Variants in CDH18 observed in about 807,000 individuals in gnomAD.
The protein encoded by CDH18 is cadherin-18.
In CDH18, 31 loss-of-function variants were observed where a neutral mutation model predicts 67.9. That is an observed-to-expected ratio of 0.46 (90% confidence interval 0.34 to 0.62). The LOEUF (loss-of-function observed/expected upper bound fraction) is 0.62, where lower values mean the gene tolerates loss of function less well. Among genes scored for constraint, CDH18 ranks in the 20% least tolerant of loss-of-function variants. CDH18 has a pLI of 0.01. For missense variants in CDH18, 890 were observed against 975.5 expected (o/e 0.91, Z 1.17); for synonymous variants, 362 against 347.2 (o/e 1.04, Z -0.48).
intron 8 of CDH18, among the ~76,000 whole-genome samples, chr5:19,548,227 C>T (rs187089837): frequency 2.6e-5 from 4 of 151,012 alleles, no homozygotes; most frequent in African/African-American, 2.4e-5. Flanking sequence ...AATACAAAAT[C>T]AAGTAACGAT....
At chr5:20,283,619 G>A (rs10057213) in intron 1 of CDH18, among the ~76,000 whole-genome samples, 17,753 of 151,958 alleles carry the variant, frequency 0.12, 1,575 homozygotes, top group African/African-American at 0.24. Flanking sequence ...GGTTAAGTAC[G>A]TAGAGAAAAG....
intron 2 of CDH18, among the ~76,000 whole-genome samples, chr5:20,203,557 G>C (rs973675186): frequency 6.7e-6 from 1 of 148,806 alleles, no homozygotes; most frequent in African/African-American, 2.5e-5. Context: ...TGGCAAAAAG[G>C]AGGCAGTGAC....
At chr5:20,147,449 A>C (rs1561829592) in intron 2 of CDH18, among the ~76,000 whole-genome samples, 1 of 152,154 alleles carries the variant, frequency 6.6e-6, no homozygotes, top group East Asian at 1.9e-4. Flanking sequence ...TTAAAAAATA[A>C]GAAAACATAA....
intron 1 of CDH18, among the ~76,000 whole-genome samples, chr5:20,397,207 G>A (rs945245456): frequency 5.3e-5 from 8 of 151,902 alleles, no homozygotes; most frequent in East Asian, 1.9e-4. Context: ...CTTGGCTCAC[G>A]GCAACATCCG....
intron 2 of CDH18, among the ~76,000 whole-genome samples, chr5:19,977,692 T>A (rs1798627028): frequency 7.1e-6 from 1 of 141,474 alleles, no homozygotes; most frequent in Non-Finnish European, 1.6e-5. Context: ...TAATCCATTC[T>A]TTTATTTTTT....
At chr5:19,631,081 T>C (rs1752352824) in intron 5 of CDH18, among the ~76,000 whole-genome samples, 1 of 151,730 alleles carries the variant, frequency 6.6e-6, no homozygotes, top group African/African-American at 2.4e-5. Context: ...CAAGCACCAT[T>C]TATCAAAGTT....
At chr5:20,368,938 C>A (rs1179070015) in intron 1 of CDH18, among the ~76,000 whole-genome samples, 3 of 152,178 alleles carry the variant, frequency 2.0e-5, no homozygotes, top group African/African-American at 7.2e-5. Flanking sequence ...ATTTTCAGAA[C>A]AAAGTCCATA....
chr5:20,411,373 TTAAGAAAACA>T (rs1746759086), intron 1 of CDH18, among the ~76,000 whole-genome samples: 1 of 146,416 alleles, frequency 6.8e-6, no homozygotes. Flanking sequence ...ACTAATTGTG[TTAAGAAAACA>T]GAATATTATA....
At chr5:19,736,535 T>C (rs903489529) in intron 4 of CDH18, among the ~76,000 whole-genome samples, 1 of 152,210 alleles carries the variant, frequency 6.6e-6, no homozygotes, top group African/African-American at 2.4e-5. Context: ...AATAGATGTT[T>C]AATATAATTT....
At chr5:19,814,550 C>T (rs1039262508) in intron 3 of CDH18, among the ~76,000 whole-genome samples, 1 of 151,970 alleles carries the variant, frequency 6.6e-6, no homozygotes, top group Admixed American at 6.6e-5. Flanking sequence ...CACCTATAGT[C>T]ATTTAAAACC....
At chr5:19,647,335 A>G (rs1754902882) in intron 5 of CDH18, among the ~76,000 whole-genome samples, 1 of 149,796 alleles carries the variant, frequency 6.7e-6, no homozygotes, top group African/African-American at 2.4e-5. Context: ...ATCCTGGCCA[A>G]CATGATGAAA....
At chr5:19,546,063 C>T (rs1457889235) in intron 8 of CDH18, among the ~76,000 whole-genome samples, 1 of 151,936 alleles carries the variant, frequency 6.6e-6, no homozygotes, top group Non-Finnish European at 1.5e-5. Flanking sequence ...AAATGGCTTA[C>T]CAGGAAGGAA....
chr5:20,444,093 C>T (rs1259427305), intron 1 of CDH18, among the ~76,000 whole-genome samples: 1 of 151,840 alleles, frequency 6.6e-6, no homozygotes, highest in East Asian at 1.9e-4. Context: ...TTAGTATTGT[C>T]CCTTTATTGC....
intron 5 of CDH18, among the ~76,000 whole-genome samples, chr5:19,619,224 T>G (rs1750318302): frequency 6.6e-6 from 1 of 152,206 alleles, no homozygotes; most frequent in African/African-American, 2.4e-5. Flanking sequence ...GTGCTGAATG[T>G]GTTTCTACTC....
At chr5:20,238,118 A>C (rs2126533186) in intron 2 of CDH18, among the ~76,000 whole-genome samples, 1 of 151,958 alleles carries the variant, frequency 6.6e-6, no homozygotes, top group African/African-American at 2.4e-5. Flanking sequence ...CCTTACAAAA[A>C]TTAACTCAAA....
At position 19,820,511 on chromosome 5, in the gene CDH18, T is replaced by C. The variant is rs114469818; in HGVS notation, c.228+18248A>G. Reference sequence around the variant, plus strand: ...GCCCACCGCATTAACAGACCACTTGTAGACATACCCCACAACCCACTTTGA... The same window carrying C: ...GCCCACCGCATTAACAGACCACTTGCAGACATACCCCACAACCCACTTTGA... On this transcript the variant is annotated intron_variant, in intron 3 of 12. Coordinates refer to ENST00000382275, the MANE Select transcript of CDH18 (RefSeq NM_004934.5). Among the ~76,000 whole-genome samples, 328 of 152,290 alleles carry C rather than the reference T, an allele frequency of 2.2e-3. 2 individuals are homozygous for C. Among genetic ancestry groups the C allele is most frequent in the African/African-American group, 7.7e-3 (318 of 41,554 alleles).
At position 19,692,448 on chromosome 5, in the gene CDH18, C is replaced by A. The variant is rs1175818175; in HGVS notation, c.643+28899G>T. 2.0e-5 allele frequency among the ~76,000 whole-genome samples: 3 copies of A among 151,938 alleles called. No individual in the cohort carries two copies. The South Asian group carries it at 6.2e-4, about 31-fold the overall frequency. The stretch of plus-strand genomic sequence containing the variant: ...ATAATCAACAGAATAAAGAGACAAC[C>A]TGTTTAATAGGATAAAATATTTGCA... On this transcript the variant is annotated intron_variant, in intron 5 of 12. Transcript: ENST00000382275.
intron 3 of CDH18, among the ~76,000 whole-genome samples, chr5:19,808,960 G>T (rs1778349704): frequency 6.6e-6 from 1 of 150,870 alleles, no homozygotes; most frequent in South Asian, 2.1e-4. Flanking sequence ...TTTTATCTCT[G>T]TATCTGTGTG....
At chr5:19,517,412 C>T (rs1472548217) in intron 10 of CDH18, among the ~76,000 whole-genome samples, 1 of 151,868 alleles carries the variant, frequency 6.6e-6, no homozygotes, top group Non-Finnish European at 1.5e-5. Context: ...TCTTAACAGA[C>T]TTTTTCAAAG....
Sources: allele counts gnomAD v4.1 joint callset (sites outside exome capture counted in the v4.1 genomes callset), GRCh38; gene constraint gnomAD v4.1.1; transcripts MANE v1.5; gene names NCBI Gene and HGNC (gene_info 2026-07-23, HGNC 2026-07-21).